The following GLI2 variants were observed in gnomAD, a reference collection of about 807,000 sequenced individuals.
The protein encoded by GLI2 is transcription activator GLI2.
Under a neutral mutation model 78.9 loss-of-function variants are expected in GLI2, and 22 were observed. The observed-to-expected ratio is 0.28, with a 90% CI of 0.20 to 0.40. The LOEUF is 0.40. Ranked by LOEUF, GLI2 falls within the 10% of genes least tolerant of loss-of-function variation. The pLI, the probability that GLI2 is intolerant of heterozygous loss-of-function variation, is 1.00. For missense variants in GLI2, 2,097 were observed against 2,213.2 expected (o/e 0.95, Z 1.05); for synonymous variants, 974 against 963.7 (o/e 1.01, Z -0.20).
chr2:120,946,377 G>A (rs754134670), intron 3 of GLI2, among the ~76,000 whole-genome samples: 3 of 152,204 alleles, frequency 2.0e-5, no homozygotes, highest in Non-Finnish European at 4.4e-5. Flanking sequence ...CCTGCAGAAG[G>A]GCTGGCTGTG....
rs1269441042 is a variant in GLI2 at position 120,860,284 on chromosome 2, C to T, written c.148+62816C>T. ...CCACAGCGTGCCCTGAGGATGGCTT[C>T]GGTCAGTTCCAGTACCCCCAAGGAG... is the stretch of plus-strand genomic sequence containing the variant. On this transcript the variant is annotated intron_variant, in intron 2 of 13. Coordinates refer to ENST00000361492, the MANE Select transcript of GLI2 (RefSeq NM_001374353.1). Among the ~76,000 whole-genome samples the T allele has an allele frequency of 2.6e-5, 4 of 152,164 alleles. No individual in the cohort carries two copies. In the East Asian group the frequency reaches 5.8e-4, roughly 22 times the overall value.
chr2:120,971,916 G>A (rs1682196123), intron 7 of GLI2, 25 bp from the exon 8 acceptor site: 5 of 1,612,798 alleles, frequency 3.1e-6, no homozygotes, highest in African/African-American at 1.3e-5. Context: ...CTGAGTAACA[G>A]ACTGTCCTCT....
rs1417021981 is a variant in GLI2, at chr2:120,992,004, C to CCATA, written c.*1332_*1335dup. On this transcript the variant is annotated 3_prime_UTR_variant, in exon 14 of 14. Coordinates refer to ENST00000361492, the MANE Select transcript of GLI2 (RefSeq NM_001374353.1). ...AGGGTGAATTGGTGCATCTTCCCCA[C>CCATA]CATACACACACACACACACACACAC... The CCATA allele has an allele frequency of 3.1e-5, 2 of 64,808 alleles. No homozygotes were observed. The highest frequency in any genetic ancestry group is 3.5e-4 in the East Asian group (1 of 2,842). 4.0% of individuals were successfully genotyped at this position (64,808 alleles called of 1,614,324 possible).
intron 2 of GLI2, among the ~76,000 whole-genome samples, chr2:120,839,258 T>C (rs1686754848): frequency 6.6e-6 from 1 of 152,248 alleles, no homozygotes; most frequent in Non-Finnish European, 1.5e-5. Context: ...TGTCAAATAT[T>C]TGTACATGTT....
chr2:120,828,734 C>T (rs1323168042), intron 2 of GLI2, among the ~76,000 whole-genome samples: 1 of 152,098 alleles, frequency 6.6e-6, no homozygotes, highest in African/African-American at 2.4e-5. Context: ...AGGTTTAAAG[C>T]TCTCCTCCAA....
intron 2 of GLI2, among the ~76,000 whole-genome samples, chr2:120,837,729 C>T (rs1238717075): frequency 6.6e-6 from 1 of 152,166 alleles, no homozygotes; most frequent in East Asian, 1.9e-4. Context: ...GAATAATCGT[C>T]TCAGTAGCAA....
intron 11 of GLI2, among the ~76,000 whole-genome samples, chr2:120,984,052 C>T (rs1292341678): frequency 6.6e-6 from 1 of 151,864 alleles, no homozygotes; most frequent in African/African-American, 2.4e-5. Flanking sequence ...GACTTGGAAC[C>T]TGTTCCTTTG....
chr2:120,963,890 G>T (rs1237674557), intron 5 of GLI2, among the ~76,000 whole-genome samples: 1 of 152,240 alleles, frequency 6.6e-6, no homozygotes, highest in Non-Finnish European at 1.5e-5. Flanking sequence ...CCTAGCGCAT[G>T]CGATGATAGC....
Position 120,956,973 on chromosome 2 carries a change from C to G in GLI2, c.643+1543C>G, listed in dbSNP as rs547351978. Among the ~76,000 whole-genome samples, 3 of 152,304 alleles carry G rather than the reference C, an allele frequency of 2.0e-5. No individual in the cohort carries two copies. The East Asian group carries it at 5.8e-4, about 29-fold the overall frequency. Reference sequence around the variant, plus strand: ...TCTGGAAGCCTCCTCCTTCCCTTTCCCCTGCCCCCCTCAGTCACTGGGACA... The same window carrying G: ...TCTGGAAGCCTCCTCCTTCCCTTTCGCCTGCCCCCCTCAGTCACTGGGACA... On this transcript the variant is annotated intron_variant, in intron 5 of 13. Coordinates refer to ENST00000361492, the MANE Select transcript of GLI2 (RefSeq NM_001374353.1).
chr2:120,744,534 A>G (rs920287689), intron 1 of GLI2, among the ~76,000 whole-genome samples: 1 of 152,226 alleles, frequency 6.6e-6, no homozygotes, highest in African/African-American at 2.4e-5. Context: ...TGTGGTACAT[A>G]ATATAGTAAT....
At chr2:120,881,673 CGGCA>C in intron 2 of GLI2, among the ~76,000 whole-genome samples, 1 of 37,952 alleles carries the variant, frequency 2.6e-5, no homozygotes, top group African/African-American at 1.1e-4. Context: ...AGTGTGGGGA[CGGCA>C]GGTGGGGGGA....
intron 2 of GLI2, among the ~76,000 whole-genome samples, chr2:120,900,446 G>C (rs564511471): frequency 6.6e-6 from 1 of 152,256 alleles, no homozygotes; most frequent in African/African-American, 2.4e-5. Flanking sequence ...TTTCCAAATA[G>C]TAAAGTCACT....
At position 120,949,034 on chromosome 2, in the gene GLI2, G is replaced by A. The variant is rs1245134692; in HGVS notation, c.255-2209G>A. On this transcript the variant is annotated intron_variant, in intron 3 of 13. Coordinates refer to ENST00000361492, the MANE Select transcript of GLI2 (RefSeq NM_001374353.1). Reference sequence around the variant, plus strand: ...GTCTGCCCCCAGGAGCCATAGAGGCGTGATGTTGTCTCAGAGCCTTCTCTT... The same window carrying A: ...GTCTGCCCCCAGGAGCCATAGAGGCATGATGTTGTCTCAGAGCCTTCTCTT... 5.3e-5 allele frequency among the ~76,000 whole-genome samples: 8 copies of A among 152,278 alleles called. No homozygotes were observed. In the East Asian group the frequency reaches 7.7e-4, roughly 15 times the overall value.
intron 1 of GLI2, among the ~76,000 whole-genome samples, chr2:120,790,278 C>T (rs771304099): frequency 9.9e-5 from 15 of 152,212 alleles, no homozygotes; most frequent in African/African-American, 2.2e-4. Flanking sequence ...CATACATCGC[C>T]ACCTTCAAGT....
intron 2 of GLI2, among the ~76,000 whole-genome samples, chr2:120,911,063 A>T (rs181599097): frequency 6.6e-6 from 1 of 152,242 alleles, no homozygotes; most frequent in Admixed American, 6.5e-5. Context: ...GGGAGTGGGC[A>T]CCCAGGAGAA....
chr2:120,957,393 C>G (rs1681326439), intron 5 of GLI2, among the ~76,000 whole-genome samples: 1 of 152,264 alleles, frequency 6.6e-6, no homozygotes, highest in African/African-American at 2.4e-5. Flanking sequence ...AGCAGCCCTA[C>G]ACGGTGCTCC....
rs73949906 is a variant in GLI2 at position 120,806,667 on chromosome 2, C to T, written c.148+9199C>T. 8.4e-3 allele frequency among the ~76,000 whole-genome samples: 1,283 copies of T among 152,232 alleles called. 23 individuals are homozygous for T. The highest frequency in any genetic ancestry group is 0.03 in the African/African-American group (1,228 of 41,550). ...GAAGGACAAGGCTCCTGTTGCCCTG[C>T]GGGGAGGCGCAGAGATGGCTGGCAC... is the stretch of plus-strand genomic sequence containing the variant. On this transcript the variant is annotated intron_variant, in intron 2 of 13. Coordinates refer to ENST00000361492, the MANE Select transcript of GLI2 (RefSeq NM_001374353.1).
At position 120,988,813 on chromosome 2, in the gene GLI2, A is replaced by G; in HGVS notation, c.2848A>G (p.Arg950Gly). ...FPHEAPGGGA[R>G]RASDPVRRPD... ...CCACGAGGCTCCAGGCGGCGGAGCC[A>G]GGCGGGCCAGCGACCCTGTGCGGCG... The change falls in exon 14 of 14, where the codon AGG becomes GGG. Residue 950 changes from arginine to glycine, a missense_variant. Arg to Gly is a moderately radical substitution (Grantham distance 125). Around this residue, in one of 5 missense-constraint regions of GLI2, gnomAD observed 1,290 missense variants for 1,261.7 expected, o/e 1.02. Transcript: ENST00000361492. The G allele has an allele frequency of 7.0e-7, 1 of 1,423,084 alleles. No homozygotes were observed. Among genetic ancestry groups the G allele is most frequent in the Non-Finnish European group, 9.2e-7 (1 of 1,088,588 alleles). The allele number at this position is 1,423,084 out of a possible 1,614,324, so 88.2% of individuals were successfully genotyped here. A position where few individuals can be genotyped will look rare whatever the true frequency, so the allele number is the denominator to read the frequency against.
intron 2 of GLI2, among the ~76,000 whole-genome samples, chr2:120,892,743 A>G (rs546614414): frequency 6.6e-6 from 1 of 152,150 alleles, no homozygotes; most frequent in East Asian, 1.9e-4. Context: ...AGCTGGGTCT[A>G]CTCTGGTTCT....
Sources: allele counts gnomAD v4.1 joint callset (sites outside exome capture counted in the v4.1 genomes callset), GRCh38; gene constraint gnomAD v4.1.1; regional missense constraint gnomAD v4.1.1; transcripts MANE v1.5; gene names NCBI Gene and HGNC (gene_info 2026-07-23, HGNC 2026-07-21).